Variants in HECW2 observed in about 807,000 individuals in gnomAD.
HECW2 encodes the protein HECT, C2 and WW domain containing E3 ubiquitin protein ligase 2.
Under a neutral mutation model 175.2 loss-of-function variants are expected in HECW2, and 61 were observed. That is an observed-to-expected ratio of 0.35 (90% CI 0.28 to 0.43). HECW2 has a LOEUF of 0.43. Ranked by LOEUF, HECW2 falls within the 20% of genes least tolerant of loss-of-function variation. HECW2 has a pLI of 1.00. For missense variants in HECW2, 1,524 were observed against 2,000.5 expected, an observed-to-expected ratio of 0.76 and a Z score of 4.54; for synonymous variants, 671 against 731.0, an observed-to-expected ratio of 0.92 and a Z score of 1.32.
intron 1 of HECW2, among the ~76,000 whole-genome samples, chr2:196,546,476 T>C (rs1689426635): frequency 6.6e-6 from 1 of 152,238 alleles, no homozygotes; most frequent in Non-Finnish European, 1.5e-5. Flanking sequence ...TTGTTTGGTT[T>C]CAAGCATCAA....
intron 28 of HECW2, among the ~76,000 whole-genome samples, chr2:196,212,208 A>T (rs13010868): frequency 1.5e-5 from 2 of 129,928 alleles, no homozygotes; most frequent in Non-Finnish European, 3.4e-5. Context: ...TTTTTTTTTT[A>T]ATTTTAAGTT....
intron 14 of HECW2, among the ~76,000 whole-genome samples, chr2:196,284,085 C>T (rs1690292207): frequency 6.6e-6 from 1 of 152,176 alleles, no homozygotes; most frequent in African/African-American, 2.4e-5. Flanking sequence ...ACTCCCCTCA[C>T]ACCTTATATC....
At chr2:196,438,711 C>T (rs796097125) in intron 1 of HECW2, among the ~76,000 whole-genome samples, 1 of 152,304 alleles carries the variant, frequency 6.6e-6, no homozygotes, top group African/African-American at 2.4e-5. Context: ...CACAAAGATG[C>T]TTTTTGAGCC....
At chr2:196,251,689 C>T (rs1559464965) in intron 19 of HECW2, among the ~76,000 whole-genome samples, 1 of 152,158 alleles carries the variant, frequency 6.6e-6, no homozygotes, top group Non-Finnish European at 1.5e-5. Flanking sequence ...CTGCATCCTA[C>T]ATATCCCTTC....
intron 1 of HECW2, among the ~76,000 whole-genome samples, chr2:196,468,965 C>A (rs1166433105): frequency 6.6e-6 from 1 of 152,078 alleles, no homozygotes; most frequent in African/African-American, 2.4e-5. Context: ...CAGGTTACAT[C>A]CACTACACTA....
chr2:196,375,152 C>G (rs1694016142), intron 2 of HECW2, among the ~76,000 whole-genome samples: 1 of 142,330 alleles, frequency 7.0e-6, no homozygotes, highest in African/African-American at 2.7e-5. Flanking sequence ...GAGTAAGACT[C>G]AGTCTCAAAA....
chr2:196,257,018 T>C (rs796584966), intron 18 of HECW2, among the ~76,000 whole-genome samples: 2 of 152,242 alleles, frequency 1.3e-5, no homozygotes, highest in South Asian at 2.1e-4. Context: ...AAGATCATCA[T>C]GAATACTTGA....
intron 1 of HECW2, among the ~76,000 whole-genome samples, chr2:196,497,309 A>G (rs1398380714): frequency 6.6e-6 from 1 of 152,236 alleles, no homozygotes; most frequent in Non-Finnish European, 1.5e-5. Context: ...CCTAGGAAAG[A>G]AATTCAGGCT....
intron 2 of HECW2, among the ~76,000 whole-genome samples, chr2:196,365,647 G>A (rs1383369841): frequency 6.6e-6 from 1 of 152,192 alleles, no homozygotes; most frequent in Non-Finnish European, 1.5e-5. Flanking sequence ...TGAGGTAGCT[G>A]CTAAAATATC....
chr2:196,195,534 GA>G lies in HECW2; in HGVS notation c.*5742del, dbSNP rs1458732793. ...TCTAAGCAAATCTATTTCCGGTCTT[GA>G]TTAACTTCCTGACTTGGAAACACTA... is the stretch of plus-strand genomic sequence containing the variant. On this transcript the variant is annotated 3_prime_UTR_variant, in exon 29 of 29. Coordinates refer to ENST00000644978, the MANE Select transcript of HECW2 (RefSeq NM_001348768.2). 6.6e-6 allele frequency: 1 copy of G among 152,164 alleles called. No homozygotes were observed. The highest frequency in any genetic ancestry group is 2.4e-5 in the African/African-American group (1 of 41,430). The allele number at this position is 152,164 out of a possible 1,614,324, so 9.4% of individuals were successfully genotyped here. A position where few individuals can be genotyped will look rare whatever the true frequency, so the allele number is the denominator to read the frequency against.
At chr2:196,332,779 A>G (rs1692414489) in intron 4 of HECW2, among the ~76,000 whole-genome samples, 1 of 152,178 alleles carries the variant, frequency 6.6e-6, no homozygotes, top group South Asian at 2.1e-4. Context: ...CCACTCTTCT[A>G]GTTTTGTAAC....
chr2:196,591,815 T>C (rs1434337131), intron 1 of HECW2, among the ~76,000 whole-genome samples: 1 of 152,248 alleles, frequency 6.6e-6, no homozygotes, highest in Non-Finnish European at 1.5e-5. Flanking sequence ...TTTCACGCCA[T>C]TAATAATATC....
intron 1 of HECW2, among the ~76,000 whole-genome samples, chr2:196,539,128 G>A (rs988357172): frequency 1.3e-5 from 2 of 152,134 alleles, no homozygotes; most frequent in African/African-American, 4.8e-5. Flanking sequence ...AAGGTAGTTT[G>A]GTGGAGAAAC....
chr2:196,384,440 AGCATGGTG>A (rs2105927292), intron 2 of HECW2, among the ~76,000 whole-genome samples: 1 of 152,082 alleles, frequency 6.6e-6, no homozygotes, highest in South Asian at 2.1e-4. Flanking sequence ...AAATTAACCA[AGCATGGTG>A]GCATCCGCCT....
intron 4 of HECW2, among the ~76,000 whole-genome samples, chr2:196,333,399 AG>A (rs1478351459): frequency 6.6e-6 from 1 of 152,204 alleles, no homozygotes; most frequent in African/African-American, 2.4e-5. Context: ...TATCAGAGAC[AG>A]CATAGGGTGA....
At chr2:196,204,479 T>C (rs1251327742) in intron 28 of HECW2, among the ~76,000 whole-genome samples, 1 of 152,192 alleles carries the variant, frequency 6.6e-6, no homozygotes, top group African/African-American at 2.4e-5. Flanking sequence ...TACTATGAAT[T>C]CTATAGCTGC....
chr2:196,279,871 A>G (rs186574562), intron 14 of HECW2, among the ~76,000 whole-genome samples: 14 of 152,346 alleles, frequency 9.2e-5, no homozygotes, highest in African/African-American at 3.4e-4. Context: ...AATGGAAGCC[A>G]TGTCTGTCAT....
chr2:196,277,509 C>T (rs1404495419), intron 15 of HECW2, among the ~76,000 whole-genome samples: 1 of 152,148 alleles, frequency 6.6e-6, no homozygotes, highest in Admixed American at 6.5e-5. Context: ...GAAATAGGAA[C>T]ACTTTTACAC....
chr2:196,393,396 C>T (rs1694569411), intron 2 of HECW2, among the ~76,000 whole-genome samples: 1 of 152,044 alleles, frequency 6.6e-6, no homozygotes, highest in Non-Finnish European at 1.5e-5. Flanking sequence ...TTTTACAATC[C>T]ACCCATATGA....
Sources: allele counts gnomAD v4.1 joint callset (sites outside exome capture counted in the v4.1 genomes callset), GRCh38; gene constraint gnomAD v4.1.1; transcripts MANE v1.5; gene names NCBI Gene and HGNC (gene_info 2026-07-23, HGNC 2026-07-21).